NCAPD3: variants seen among roughly 807,000 people sequenced by gnomAD.
NCAPD3 encodes the protein non-SMC condensin II complex subunit D3.
A neutral mutation model predicts 182.9 loss-of-function variants in NCAPD3; 105 were observed. The ratio of observed to expected loss-of-function variants is 0.57; its 90% CI spans 0.49 to 0.68. The LOEUF is 0.68. Ranked by LOEUF, NCAPD3 falls within the 30% of genes least tolerant of loss-of-function variation. The probability of loss-of-function intolerance (pLI) is 0.00; values close to 1 mark genes in which losing one functional copy is unlikely to be tolerated. For synonymous variants in NCAPD3, 815 were observed against 679.9 expected, an observed-to-expected ratio of 1.20 and a Z score of -3.09; for missense variants, 1,944 against 1,837.0, an observed-to-expected ratio of 1.06 and a Z score of -1.07.
chr11:134,170,626 G>T (rs1050470050), intron 24 of NCAPD3, among the ~76,000 whole-genome samples: 1 of 152,238 alleles, frequency 6.6e-6, no homozygotes, highest in Non-Finnish European at 1.5e-5. Flanking sequence ...TCTGAGTTTG[G>T]ACTTATGTCA....
upstream of NCAPD3, chr11:134,224,131 G>A: frequency 6.4e-6 from 4 of 623,684 alleles, no homozygotes; most frequent in East Asian, 2.8e-5. Context: ...AAAAGTGGAA[G>A]CCAAACAAGG....
chr11:134,210,177 T>G (rs1175601586), intron 4 of NCAPD3, 93 bp downstream of exon 4: 1 of 1,109,634 alleles, frequency 9.0e-7, no homozygotes, highest in Non-Finnish European at 1.3e-6. Flanking sequence ...CCTATAATCA[T>G]GATGCCTGAA....
intron 7 of NCAPD3, among the ~76,000 whole-genome samples, chr11:134,207,114 G>A (rs554751867): frequency 3.2e-4 from 49 of 152,150 alleles, no homozygotes; most frequent in African/African-American, 9.6e-4. Flanking sequence ...CCTGCTTTTT[G>A]CCTCCAGTTT....
chr11:134,167,947 C>A (rs771216744), intron 27 of NCAPD3, 49 bp downstream of exon 27: 5 of 1,555,228 alleles, frequency 3.2e-6, no homozygotes, highest in Non-Finnish European at 4.4e-6. Context: ...CTTAGGGGAG[C>A]AGCACACTCA....
chr11:134,186,088 A>G (rs1335528304), intron 16 of NCAPD3: 1 of 152,140 alleles, frequency 6.6e-6, no homozygotes, highest in Non-Finnish European at 1.5e-5. Context: ...ATTAAATATG[A>G]TGATATTAAA....
At position 134,151,754 on chromosome 11, in the gene NCAPD3, AC is replaced by A. The variant is rs1943243599; in HGVS notation, c.*1189del. 1 of 152,136 alleles carries A rather than the reference AC, an allele frequency of 6.6e-6. No homozygotes were observed. The highest frequency in any genetic ancestry group is 1.5e-5 in the Non-Finnish European group (1 of 68,018). 9.4% of individuals were successfully genotyped at this position (152,136 alleles called of 1,614,324 possible). ...TTATAAAAGCTTCAAAAAAACCCAA[AC>A]ATTGCTTCATTCTTTGTTATTTGCT... On this transcript the variant is annotated 3_prime_UTR_variant, in exon 35 of 35. Coordinates refer to ENST00000534548, the MANE Select transcript of NCAPD3 (RefSeq NM_015261.3).
chr11:134,187,715 G>A (rs1183403537), intron 16 of NCAPD3, among the ~76,000 whole-genome samples: 1 of 152,152 alleles, frequency 6.6e-6, no homozygotes, highest in Non-Finnish European at 1.5e-5. Flanking sequence ...AAAATGCCAG[G>A]TGCCCTTCCT....
At chr11:134,171,607 A>C (rs959355378) in intron 24 of NCAPD3, among the ~76,000 whole-genome samples, 3 of 152,150 alleles carry the variant, frequency 2.0e-5, no homozygotes, top group Non-Finnish European at 2.9e-5. Context: ...TGAGGCTTGA[A>C]GCAGTATTTC....
intron 28 of NCAPD3, among the ~76,000 whole-genome samples, chr11:134,160,807 C>T (rs757984483): frequency 6.6e-6 from 1 of 151,990 alleles, no homozygotes; most frequent in African/African-American, 2.4e-5. Context: ...GAGTGGGTTC[C>T]ACAGGCCAAT....
chr11:134,165,045 A>G (rs1943724822), intron 27 of NCAPD3, among the ~76,000 whole-genome samples: 2 of 147,356 alleles, frequency 1.4e-5, no homozygotes, highest in African/African-American at 2.5e-5. Context: ...GAGGAGCTGC[A>G]CACACTTAGA....
upstream of NCAPD3, chr11:134,225,193 G>A (rs1166887322): frequency 1.2e-5 from 20 of 1,614,180 alleles, no homozygotes; most frequent in Non-Finnish European, 1.4e-5. Flanking sequence ...AGTAGGAAGC[G>A]GGCCGAGCAC....
intron 3 of NCAPD3, among the ~76,000 whole-genome samples, chr11:134,215,266 T>C (rs1340758052): frequency 6.6e-6 from 1 of 152,172 alleles, no homozygotes; most frequent in South Asian, 2.1e-4. Flanking sequence ...AGATCAGGAA[T>C]AGACAAGGAT....
At chr11:134,188,261 T>C (rs1451352443) in intron 16 of NCAPD3, among the ~76,000 whole-genome samples, 3 of 150,770 alleles carry the variant, frequency 2.0e-5, no homozygotes, top group African/African-American at 7.5e-5. Context: ...ATTGTAAATG[T>C]ACCAATCAGC....
upstream of NCAPD3, chr11:134,225,318 A>G: frequency 6.2e-7 from 1 of 1,613,960 alleles, no homozygotes; most frequent in Non-Finnish European, 8.5e-7. Context: ...GCACCAGGGC[A>G]TCAAGATCGA....
chr11:134,156,781 G>A (rs578145611), intron 32 of NCAPD3: 16 of 377,620 alleles, frequency 4.2e-5, no homozygotes, highest in Non-Finnish European at 6.7e-5. Flanking sequence ...TCTGCTCCGC[G>A]GGCCACTGTG....
chr11:134,207,092 C>T (rs1327176022), intron 7 of NCAPD3, among the ~76,000 whole-genome samples: 1 of 152,138 alleles, frequency 6.6e-6, no homozygotes, highest in Admixed American at 6.5e-5. Context: ...GGGGAAAGAA[C>T]GATACTTTAC....
At chr11:134,171,196 C>G (rs527693288) in intron 24 of NCAPD3, among the ~76,000 whole-genome samples, 21 of 152,272 alleles carry the variant, frequency 1.4e-4, no homozygotes, top group Non-Finnish European at 2.8e-4. Context: ...ACCCACACCA[C>G]CAACTCAGGG....
chr11:134,178,967 T>C (rs367666959), intron 20 of NCAPD3, 31 bp from the exon 21 acceptor site: 82 of 1,496,178 alleles, frequency 5.5e-5, no homozygotes, highest in Non-Finnish European at 7.2e-5. Flanking sequence ...ACAGTAAAAA[T>C]AAGGCAAAAG....
At chr11:134,182,725 C>CA (rs1565538172) in intron 19 of NCAPD3, among the ~76,000 whole-genome samples, 1 of 152,216 alleles carries the variant, frequency 6.6e-6, no homozygotes, top group Admixed American at 6.5e-5. Flanking sequence ...CAAAAATGCC[C>CA]AAAGACCACA....
Sources: gnomAD v4.1 joint callset for allele counts (sites outside exome capture counted in the v4.1 genomes callset) on GRCh38, gnomAD v4.1.1 for gene constraint, MANE v1.5 for transcripts, NCBI Gene and HGNC (gene_info 2026-07-23, HGNC 2026-07-21) for gene names.